MIER3: variants seen among roughly 807,000 people sequenced by gnomAD.
MIER3 encodes MIER family member 3.
MIER3 carries 9 observed loss-of-function variants against 63.2 expected under a neutral mutation model. That is an observed-to-expected ratio of 0.14 (90% CI 0.09 to 0.25). The LOEUF (loss-of-function observed/expected upper bound fraction) is 0.25, where lower values mean the gene tolerates loss of function less well. Ranked by LOEUF, MIER3 falls within the 10% of genes least tolerant of loss-of-function variation. The pLI is 1.00. For missense variants in MIER3, 512 were observed against 666.2 expected (o/e 0.77, Z 2.55); for synonymous variants, 205 against 224.9 (o/e 0.91, Z 0.79).
At chr5:56,950,804 T>C in intron 1 of MIER3, 152 bp from the exon 2 acceptor site, 2 of 819,826 alleles carry the variant, frequency 2.4e-6, no homozygotes, top group Non-Finnish European at 3.9e-6. Flanking sequence ...TCCCGGCCCC[T>C]TTCGGGCCCC....
At chr5:56,928,570 A>G (rs1284165813) in intron 10 of MIER3, 197 bp downstream of exon 10, 2 of 416,876 alleles carry the variant, frequency 4.8e-6, no homozygotes, top group Non-Finnish European at 8.6e-6. Flanking sequence ...ATGTGAAAAG[A>G]TATGTGAATA....
intron 10 of MIER3, 62 bp from the exon 11 acceptor site, chr5:56,924,104 T>G: frequency 6.5e-7 from 1 of 1,545,170 alleles, no homozygotes; most frequent in Non-Finnish European, 8.8e-7. Context: ...AAGCAACTTT[T>G]CTTTTCCACA....
intron 10 of MIER3, chr5:56,925,457 T>C (rs1291088709): frequency 5.7e-6 from 2 of 351,140 alleles, no homozygotes; most frequent in Non-Finnish European, 1.1e-5. Flanking sequence ...CTTTCCTATA[T>C]AACAGCAATG....
At position 56,928,793 on chromosome 5, in the gene MIER3, C is replaced by G; in HGVS notation, c.898G>C (p.Asp300His). The change falls in exon 10 of 13, where the codon GAT (aspartate) becomes CAT (histidine). Residue 300 changes from aspartate to histidine, a missense_variant. Asp to His is a moderately conservative substitution (Grantham distance 81). This residue lies in a region of MIER3 where 34 missense variants were observed against 86.3 expected (regional missense o/e 0.39). Transcript: ENST00000381199. ...TTATTCTTCTGTATAAGATGAAAAT[C>G]TTTTCCAAAAAGCATGAGTGCATGT... ...FEHALMLFGK[D>H]FHLIQKNKVR... 1 of 1,613,416 alleles carries G rather than the reference C, an allele frequency of 6.2e-7. No individual in the cohort carries two copies.
At chr5:56,951,595 G>A (rs2112163673) in intron 1 of MIER3, among the ~76,000 whole-genome samples, 1 of 152,230 alleles carries the variant, frequency 6.6e-6, no homozygotes, top group South Asian at 2.1e-4. Flanking sequence ...TGAAGCGTGC[G>A]GCTCCTTCGC....
intron 2 of MIER3, among the ~76,000 whole-genome samples, chr5:56,948,269 C>T (rs1008367127): frequency 3.3e-5 from 5 of 152,184 alleles, no homozygotes; most frequent in Admixed American, 2.6e-4. Flanking sequence ...ACAATTTCTA[C>T]AGGACTTTAT....
At chr5:56,941,580 G>T (rs1750647748) in intron 3 of MIER3, 1 of 152,302 alleles carries the variant, frequency 6.6e-6, no homozygotes, top group Non-Finnish European at 1.5e-5. Flanking sequence ...CCAAAGTTTG[G>T]TGAGTAGAAT....
chr5:56,946,363 G>A (rs1167158044), intron 3 of MIER3, among the ~76,000 whole-genome samples: 1 of 152,100 alleles, frequency 6.6e-6, no homozygotes, highest in Non-Finnish European at 1.5e-5. Context: ...CAGTTCATTT[G>A]AATTTATATT....
chr5:56,939,551 T>C (rs573276063), intron 3 of MIER3, among the ~76,000 whole-genome samples: 3 of 152,240 alleles, frequency 2.0e-5, no homozygotes, highest in Non-Finnish European at 4.4e-5. Flanking sequence ...ACCAGTTTTT[T>C]TAAAACAACT....
chr5:56,941,747 T>G (rs1561243016), intron 3 of MIER3, among the ~76,000 whole-genome samples: 4 of 152,114 alleles, frequency 2.6e-5, no homozygotes. Context: ...CTTAAAATAC[T>G]GAACACCTGC....
chr5:56,949,131 G>A (rs761108249), intron 2 of MIER3, among the ~76,000 whole-genome samples: 6 of 152,122 alleles, frequency 3.9e-5, no homozygotes, highest in East Asian at 1.9e-4. Flanking sequence ...CGAGGCAGGC[G>A]GATCACTTGA....
Position 56,920,565 on chromosome 5 carries a change from C to T in MIER3, c.*2563G>A, listed in dbSNP as rs1440794119. On this transcript the variant is annotated 3_prime_UTR_variant, in exon 13 of 13. Coordinates refer to ENST00000381199, the MANE Select transcript of MIER3 (RefSeq NM_001297599.2). ...GCAAATCCGGTTGTTTTCTTGCTTCCAAATGCAATTCTTTTAATAAACAGT... is the reference window on the plus strand; with the variant it reads ...GCAAATCCGGTTGTTTTCTTGCTTCTAAATGCAATTCTTTTAATAAACAGT... 1 of 152,060 alleles carries T rather than the reference C, an allele frequency of 6.6e-6. No individual in the cohort carries two copies. The highest frequency in any genetic ancestry group is 6.6e-5 in the Admixed American group (1 of 15,220). 9.4% of individuals were successfully genotyped at this position (152,060 alleles called of 1,614,324 possible).
intron 8 of MIER3, 49 bp from the exon 9 acceptor site, chr5:56,930,794 AT>A: frequency 6.9e-7 from 1 of 1,453,172 alleles, no homozygotes. Context: ...ACCTAACAGC[AT>A]TTTAAAAAAC....
rs774998192 is a variant in MIER3 at position 56,935,410 on chromosome 5, A to C, written c.595+18T>G. 1 of 1,559,682 alleles carries C rather than the reference A, an allele frequency of 6.4e-7. No homozygotes were observed. ...ACCTTATCTACCAAACATTATCAAA[A>C]TCAAAAGCTTTCCTTACCTTTCTCA... On this transcript the variant is annotated intron_variant, in intron 7 of 12. Coordinates refer to ENST00000381199, the MANE Select transcript of MIER3 (RefSeq NM_001297599.2).
intron 3 of MIER3, among the ~76,000 whole-genome samples, chr5:56,942,612 A>G (rs1750684199): frequency 1.3e-5 from 2 of 152,378 alleles, no homozygotes; most frequent in South Asian, 2.1e-4. Flanking sequence ...AAAGGCACAC[A>G]GAGTGAGACG....
At position 56,920,639 on chromosome 5, in the gene MIER3, G is replaced by A. The variant is rs1308183996; in HGVS notation, c.*2489C>T. The A allele has an allele frequency of 1.3e-5, 2 of 151,904 alleles. No individual in the cohort carries two copies. The highest frequency in any genetic ancestry group is 2.9e-5 in the Non-Finnish European group (2 of 67,824). 9.4% of individuals were successfully genotyped at this position (151,904 alleles called of 1,614,324 possible). On this transcript the variant is annotated 3_prime_UTR_variant, in exon 13 of 13. Coordinates refer to ENST00000381199, the MANE Select transcript of MIER3 (RefSeq NM_001297599.2). Reference sequence around the variant, plus strand: ...TAAACTGAGAGAAAAAAAAAACCCAGTAAATCCAGCTTTTAAAAGAAAATT... The same window carrying A: ...TAAACTGAGAGAAAAAAAAAACCCAATAAATCCAGCTTTTAAAAGAAAATT...
chr5:56,928,736 T>G, intron 10 of MIER3, 31 bp downstream of exon 10: 1 of 1,477,422 alleles, frequency 6.8e-7, no homozygotes, highest in Admixed American at 1.9e-5. Context: ...CTGTAACTAG[T>G]AATTTATCTG....
chr5:56,929,244 A>C (rs1157775298), intron 9 of MIER3: 1 of 156,854 alleles, frequency 6.4e-6, no homozygotes, highest in African/African-American at 2.4e-5. Flanking sequence ...TTATTGGGGG[A>C]AAGAAGCTCT....
rs903199802 is a variant in MIER3 at position 56,935,443 on chromosome 5, C to T, written c.580G>A (p.Asp194Asn). 28 of 1,591,608 alleles carry T rather than the reference C, an allele frequency of 1.8e-5. No homozygotes were observed. Among genetic ancestry groups the T allele is most frequent in the East Asian group, 6.7e-5 (3 of 44,722 alleles). ...AEIPPYLGEYDGNEKVYENED... is the reference protein window; with the variant it reads ...AEIPPYLGEYNGNEKVYENED... ...CTTTCCTTACCTTTCTCATTACCAT[C>T]GTACTCTCCAAGATAAGGGGGAATC... is the stretch of plus-strand genomic sequence containing the variant. The change falls in exon 7 of 13, where the codon GAT becomes AAT. Residue 194 changes from aspartate to asparagine, a missense_variant. Physicochemically the swap from Asp to Asn is conservative, Grantham distance 23. Coordinates refer to ENST00000381199, the MANE Select transcript of MIER3 (RefSeq NM_001297599.2).
Sources: gnomAD v4.1 joint callset for allele counts (sites outside exome capture counted in the v4.1 genomes callset) on GRCh38, gnomAD v4.1.1 for gene constraint, gnomAD v4.1.1 regional missense constraint, MANE v1.5 for transcripts, NCBI Gene and HGNC (gene_info 2026-07-23, HGNC 2026-07-21) for gene names.